OR6C68: variants seen among roughly 807,000 people sequenced by gnomAD.
OR6C68 encodes olfactory receptor family 6 subfamily C member 68, also known as olfactory receptor 6C68.
For synonymous variants in OR6C68, 161 were observed against 129.8 expected (o/e 1.24, Z -1.63); for missense variants, 440 against 368.5 (o/e 1.19, Z -1.59).
In OR6C68 at chr12:55,493,150, T is replaced by C; in HGVS notation, c.773T>C (p.Ile258Thr). ...TATGGCAGCTGCATCTTCATCTATATCAAGCCATCTGCAAAAGAAGAGGTA... is the reference window on the plus strand; with the variant it reads ...TATGGCAGCTGCATCTTCATCTATACCAAGCCATCTGCAAAAGAAGAGGTA... ...ITYGSCIFIY[I>T]KPSAKEEVNI... Residue 258 changes from isoleucine to threonine, a missense_variant, in exon 1 of 1, where the codon ATC becomes ACC. Coordinates refer to ENST00000548615, the MANE Select transcript of OR6C68 (RefSeq NM_001005519.2). 6.2e-7 allele frequency: 1 copy of C among 1,613,890 alleles called. No homozygotes were observed. Among genetic ancestry groups the C allele is most frequent in the Non-Finnish European group, 8.5e-7 (1 of 1,179,960 alleles).
chr12:55,493,099 C>A lies in OR6C68; in HGVS notation c.722C>A (p.Ser241Ter). The A allele has an allele frequency of 6.2e-7, 1 of 1,608,348 alleles. No individual in the cohort carries two copies. Among genetic ancestry groups the A allele is most frequent in the Non-Finnish European group, 8.5e-7 (1 of 1,178,538 alleles). The change falls in exon 1 of 1, where the codon TCA (serine) becomes TAA (stop). Residue 241 changes from serine to a stop codon, truncating the protein, a stop_gained. Transcript: ENST00000548615. LOFTEE classifies it low-confidence loss of function (END_TRUNC). ...AAAAAAGCCTTTTCTACCTGTTCTT[C>A]ACATATTACTGTGGTTTCCATCACT... ...QKKKAFSTCS[S>*]HITVVSITYG...
chr12:55,492,774 A>C lies in OR6C68; in HGVS notation c.397A>C (p.Ile133Leu). Residue 133 changes from isoleucine (I) to leucine (L), a missense_variant, in exon 1 of 1, where the codon ATC (isoleucine) becomes CTC (leucine). By Grantham distance (5) the Ile-to-Leu change is conservative. Coordinates refer to ENST00000548615, the MANE Select transcript of OR6C68 (RefSeq NM_001005519.2). ...AICKPLHYMAIMSNKVCKTMV... is the reference protein window; with the variant it reads ...AICKPLHYMALMSNKVCKTMV... The stretch of plus-strand genomic sequence containing the variant: ...CTGCAAACCCTTGCATTATATGGCA[A>C]TCATGAGCAACAAAGTGTGCAAAAC... 6.2e-7 allele frequency: 1 copy of C among 1,614,206 alleles called. No homozygotes were observed. Among genetic ancestry groups the C allele is most frequent in the Non-Finnish European group, 8.5e-7 (1 of 1,180,020 alleles).
In OR6C68 at chr12:55,493,300, T is replaced by C. The variant is rs1213065600; in HGVS notation, c.923T>C (p.Phe308Ser). ...AFHDSLKKIA[F>S]RLKK is the part of the protein sequence containing the mutation. Reference sequence around the variant, plus strand: ...CATGACTCACTCAAAAAAATTGCATTTCGTTTAAAAAAGTAAAGTGTACCT... The same window carrying C: ...CATGACTCACTCAAAAAAATTGCATCTCGTTTAAAAAAGTAAAGTGTACCT... The change falls in exon 1 of 1, where the codon TTT (phenylalanine) becomes TCT (serine). Residue 308 changes from phenylalanine (F) to serine (S), a missense_variant. Physicochemically the swap from Phe to Ser is radical, Grantham distance 155. Transcript: ENST00000548615. 2 of 1,560,894 alleles carry C rather than the reference T, an allele frequency of 1.3e-6. No individual in the cohort carries two copies. Among genetic ancestry groups the C allele is most frequent in the Non-Finnish European group, 1.7e-6 (2 of 1,157,694 alleles).
chr12:55,492,572 T>C lies in OR6C68; in HGVS notation c.195T>C (p.Ser65=). ...TPMYFFLQNL[S]FLEISFTATC... The stretch of plus-strand genomic sequence containing the variant: ...TGTATTTTTTTCTCCAAAATTTATC[T>C]TTCTTAGAAATCTCATTTACAGCTA... Residue 65 remains serine (S), a synonymous_variant, in exon 1 of 1, where the codon TCT becomes TCC. Coordinates refer to ENST00000548615, the MANE Select transcript of OR6C68 (RefSeq NM_001005519.2). 2 of 1,613,360 alleles carry C rather than the reference T, an allele frequency of 1.2e-6. No homozygotes were observed. Among genetic ancestry groups the C allele is most frequent in the Non-Finnish European group, 1.7e-6 (2 of 1,179,684 alleles).
In OR6C68 at chr12:55,492,521, G is replaced by A. The variant is rs1274486599; in HGVS notation, c.144G>A (p.Met48Ile). 1.2e-6 allele frequency: 2 copies of A among 1,613,978 alleles called. No homozygotes were observed. The highest frequency in any genetic ancestry group is 1.7e-6 in the Non-Finnish European group (2 of 1,179,934). ...AACTGACCATTATCGCCCTCACCAT[G>A]TTGGATCCCCACCTGAAAACACCCA... is the stretch of plus-strand genomic sequence containing the variant. ...TGKLTIIALT[M>I]LDPHLKTPMY... The change falls in exon 1 of 1, where the codon ATG (methionine) becomes ATA (isoleucine). Residue 48 changes from methionine (M) to isoleucine (I), a missense_variant. Met to Ile is a conservative substitution (Grantham distance 10). Coordinates refer to ENST00000548615, the MANE Select transcript of OR6C68 (RefSeq NM_001005519.2).
Position 55,492,697 on chromosome 12 carries a change from T to C in OR6C68, c.320T>C (p.Val107Ala). The C allele has an allele frequency of 6.2e-7, 1 of 1,614,076 alleles. No individual in the cohort carries two copies. Among genetic ancestry groups the C allele is most frequent in the East Asian group, 2.2e-5 (1 of 44,872 alleles). ...IQLFFADLFG[V>A]TEFFLLATMS... The stretch of plus-strand genomic sequence containing the variant: ...CTATTTTTTGCAGACCTCTTTGGGG[T>C]AACTGAATTTTTTCTTTTGGCTACC... The change falls in exon 1 of 1, where the codon GTA becomes GCA. Residue 107 changes from valine to alanine, a missense_variant. Physicochemically the swap from Val to Ala is moderately conservative, Grantham distance 64. Coordinates refer to ENST00000548615, the MANE Select transcript of OR6C68 (RefSeq NM_001005519.2).
Position 55,492,897 on chromosome 12 carries a change from C to A in OR6C68, c.520C>A (p.His174Asn), listed in dbSNP as rs774392870. 2 of 1,613,244 alleles carry A rather than the reference C, an allele frequency of 1.2e-6. No homozygotes were observed. Among genetic ancestry groups the A allele is most frequent in the East Asian group, 2.2e-5 (1 of 44,858 alleles). The change falls in exon 1 of 1, where the codon CAT (histidine) becomes AAT (asparagine). Residue 174 changes from histidine (H) to asparagine (N), a missense_variant. His to Asn is a moderately conservative substitution (Grantham distance 68, BLOSUM62 1). Coordinates refer to ENST00000548615, the MANE Select transcript of OR6C68 (RefSeq NM_001005519.2). ...ATTCTGTGACTCTAATGTCATCAAT[C>A]ATTTTGGCTGTGATGCATTGCCTAT... ...LEFCDSNVIN[H>N]FGCDALPILK... is the part of the protein sequence containing the mutation.
Position 55,492,817 on chromosome 12 carries a change from G to C in OR6C68, c.440G>C (p.Trp147Ser). Reference protein sequence around the residue: ...KVCKTMVICCWMAALMIILPP... With the variant: ...KVCKTMVICCSMAALMIILPP... ...TGCAAAACAATGGTTATTTGTTGTT[G>C]GATGGCAGCACTTATGATTATCCTC... Residue 147 changes from tryptophan (W) to serine (S), a missense_variant, in exon 1 of 1, where the codon TGG becomes TCG. By Grantham distance (177) the Trp-to-Ser change is radical. Coordinates refer to ENST00000548615, the MANE Select transcript of OR6C68 (RefSeq NM_001005519.2). 6.2e-7 allele frequency: 1 copy of C among 1,614,064 alleles called. No individual in the cohort carries two copies. The highest frequency in any genetic ancestry group is 8.5e-7 in the Non-Finnish European group (1 of 1,179,994).
chr12:55,493,135 G>T lies in OR6C68; in HGVS notation c.758G>T (p.Cys253Phe). ...GTGGTTTCCATCACTTATGGCAGCTGCATCTTCATCTATATCAAGCCATCT... is the reference window on the plus strand; with the variant it reads ...GTGGTTTCCATCACTTATGGCAGCTTCATCTTCATCTATATCAAGCCATCT... ...ITVVSITYGS[C>F]IFIYIKPSAK... The change falls in exon 1 of 1, where the codon TGC becomes TTC. Residue 253 changes from cysteine to phenylalanine, a missense_variant. By Grantham distance (205) the Cys-to-Phe change is radical (BLOSUM62 -2). Coordinates refer to ENST00000548615, the MANE Select transcript of OR6C68 (RefSeq NM_001005519.2). 6.2e-7 allele frequency: 1 copy of T among 1,612,882 alleles called. No individual in the cohort carries two copies.
In OR6C68 at chr12:55,492,868, T is replaced by C. The variant is rs61747528; in HGVS notation, c.491T>C (p.Leu164Pro). Reference protein sequence around the residue: ...ILPPLSLGFHLEFCDSNVINH... With the variant: ...ILPPLSLGFHPEFCDSNVINH... ...CCACCACTTAGCTTAGGTTTTCATC[T>C]AGAATTCTGTGACTCTAATGTCATC... Residue 164 changes from leucine to proline, a missense_variant, in exon 1 of 1, where the codon CTA (leucine) becomes CCA (proline). Physicochemically the swap from Leu to Pro is moderately conservative, Grantham distance 98 (BLOSUM62 -3). Transcript: ENST00000548615. 59 of 1,613,958 alleles carry C rather than the reference T, an allele frequency of 3.7e-5. No individual in the cohort carries two copies. In the African/African-American group the frequency reaches 7.2e-4, roughly 20 times the overall value.
Position 55,492,785 on chromosome 12 carries a change from C to A in OR6C68, c.408C>A (p.Asn136Lys). The A allele has an allele frequency of 6.2e-7, 1 of 1,614,140 alleles. No homozygotes were observed. The highest frequency in any genetic ancestry group is 8.5e-7 in the Non-Finnish European group (1 of 1,180,002). The change falls in exon 1 of 1, where the codon AAC becomes AAA. Residue 136 changes from asparagine (N) to lysine (K), a missense_variant. By Grantham distance (94) the Asn-to-Lys change is moderately conservative. Coordinates refer to ENST00000548615, the MANE Select transcript of OR6C68 (RefSeq NM_001005519.2). ...TGCATTATATGGCAATCATGAGCAA[C>A]AAAGTGTGCAAAACAATGGTTATTT... Reference protein sequence around the residue: ...KPLHYMAIMSNKVCKTMVICC... With the variant: ...KPLHYMAIMSKKVCKTMVICC...
chr12:55,492,446 T>A lies in OR6C68; in HGVS notation c.69T>A (p.Val23=). Residue 23 remains valine (V), a synonymous_variant, in exon 1 of 1, where the codon GTT becomes GTA. Transcript: ENST00000548615. ...TGACAGAAGATCCTCAGCTGCAGGT[T>A]CTGCTTTTCATGTTTCTATTTATCA... is the stretch of plus-strand genomic sequence containing the variant. ...LGLTEDPQLQ[V]LLFMFLFITY... is the part of the protein sequence containing the mutation. The A allele has an allele frequency of 6.2e-7, 1 of 1,614,048 alleles. No homozygotes were observed. Among genetic ancestry groups the A allele is most frequent in the Non-Finnish European group, 8.5e-7 (1 of 1,179,930 alleles).
chr12:55,493,301 T>C lies in OR6C68; in HGVS notation c.924T>C (p.Phe308=). The C allele has an allele frequency of 1.3e-6, 2 of 1,560,234 alleles. No homozygotes were observed. Among genetic ancestry groups the C allele is most frequent in the Non-Finnish European group, 8.6e-7 (1 of 1,157,370 alleles). The change falls in exon 1 of 1, where the codon TTT becomes TTC. Residue 308 remains phenylalanine, a synonymous_variant. Transcript: ENST00000548615. ...ATGACTCACTCAAAAAAATTGCATT[T>C]CGTTTAAAAAAGTAAAGTGTACCTA... ...AFHDSLKKIA[F]RLKK is the part of the protein sequence containing the mutation.
rs764488152 is a variant in OR6C68, at chr12:55,492,940, C to G, written c.563C>G (p.Ser188Ter). Residue 188 changes from serine to a stop codon, truncating the protein, a stop_gained, in exon 1 of 1, where the codon TCA (serine) becomes TGA (stop). Transcript: ENST00000548615. LOFTEE classifies it low-confidence loss of function (END_TRUNC). ...TTGCCTATTCTGAAAATACCATGCT[C>G]AGACACATCATTAATTGAGCAGATG... The part of the protein sequence containing the change: ...DALPILKIPC[S>*]DTSLIEQMVV... 4 of 1,612,244 alleles carry G rather than the reference C, an allele frequency of 2.5e-6. No homozygotes were observed. The highest frequency in any genetic ancestry group is 3.4e-6 in the Non-Finnish European group (4 of 1,178,956).
In OR6C68 at chr12:55,492,561, C is replaced by A; in HGVS notation, c.184C>A (p.Gln62Lys). 4 of 1,612,690 alleles carry A rather than the reference C, an allele frequency of 2.5e-6. No individual in the cohort carries two copies. Among genetic ancestry groups the A allele is most frequent in the Non-Finnish European group, 3.4e-6 (4 of 1,179,578 alleles). The part of the protein sequence containing the change: ...HLKTPMYFFL[Q>K]NLSFLEISFT... ...GAAAACACCCATGTATTTTTTTCTCCAAAATTTATCTTTCTTAGAAATCTC... is the reference window on the plus strand; with the variant it reads ...GAAAACACCCATGTATTTTTTTCTCAAAAATTTATCTTTCTTAGAAATCTC... The change falls in exon 1 of 1, where the codon CAA becomes AAA. Residue 62 changes from glutamine to lysine, a missense_variant. Coordinates refer to ENST00000548615, the MANE Select transcript of OR6C68 (RefSeq NM_001005519.2).
In OR6C68 at chr12:55,493,008, T is replaced by C. The variant is rs1427461995; in HGVS notation, c.631T>C (p.Cys211Arg). Reference sequence around the variant, plus strand: ...ATTAACCTTTATTATCACTCTTGTATGTGTAGTTCTGTCCTACACATATAT... The same window carrying C: ...ATTAACCTTTATTATCACTCTTGTACGTGTAGTTCTGTCCTACACATATAT... ...AVLTFIITLV[C>R]VVLSYTYIIR... The change falls in exon 1 of 1, where the codon TGT (cysteine) becomes CGT (arginine). Residue 211 changes from cysteine (C) to arginine (R), a missense_variant. Physicochemically the swap from Cys to Arg is radical, Grantham distance 180 (BLOSUM62 -3). Coordinates refer to ENST00000548615, the MANE Select transcript of OR6C68 (RefSeq NM_001005519.2). The C allele has an allele frequency of 6.2e-7, 1 of 1,612,132 alleles. No homozygotes were observed. The highest frequency in any genetic ancestry group is 1.1e-5 in the South Asian group (1 of 90,816).
rs143765948 is a variant in OR6C68 at position 55,492,649 on chromosome 12, C to G, written c.272C>G (p.Thr91Arg). The change falls in exon 1 of 1, where the codon ACG (threonine) becomes AGG (arginine). Residue 91 changes from threonine to arginine, a missense_variant. Thr to Arg is a moderately conservative substitution (Grantham distance 71). Coordinates refer to ENST00000548615, the MANE Select transcript of OR6C68 (RefSeq NM_001005519.2). Reference sequence around the variant, plus strand: ...ATCTCAACTGGGAACAAAATAATAACGTATAATGCATGTGTCATTCAGCTA... The same window carrying G: ...ATCTCAACTGGGAACAAAATAATAAGGTATAATGCATGTGTCATTCAGCTA... ...YSISTGNKII[T>R]YNACVIQLFF... 1.8e-5 allele frequency: 29 copies of G among 1,613,804 alleles called. No individual in the cohort carries two copies. The highest frequency in any genetic ancestry group is 7.6e-6 in the Non-Finnish European group (9 of 1,179,852).
rs142784491 is a variant in OR6C68, at chr12:55,492,845, A to G, written c.468A>G (p.Pro156=). 5,892 of 1,614,020 alleles carry G rather than the reference A, an allele frequency of 3.7e-3. 20 individuals are homozygous for G. Among genetic ancestry groups the G allele is most frequent in the Non-Finnish European group, 4.0e-3 (4,698 of 1,179,960 alleles). The change falls in exon 1 of 1, where the codon CCA becomes CCG. Residue 156 remains proline (P), a synonymous_variant. Coordinates refer to ENST00000548615, the MANE Select transcript of OR6C68 (RefSeq NM_001005519.2). ...TGGCAGCACTTATGATTATCCTCCC[A>G]CCACTTAGCTTAGGTTTTCATCTAG... The part of the protein sequence containing the change: ...CWMAALMIIL[P]PLSLGFHLEF...
Position 55,493,295 on chromosome 12 carries a change from T to A in OR6C68, c.918T>A (p.Ile306=), listed in dbSNP as rs1565703507. The change falls in exon 1 of 1, where the codon ATT becomes ATA. Residue 306 remains isoleucine (I), a synonymous_variant. Transcript: ENST00000548615. ...KQAFHDSLKK[I]AFRLKK ...CCTTTCATGACTCACTCAAAAAAAT[T>A]GCATTTCGTTTAAAAAAGTAAAGTG... 1 of 1,564,620 alleles carries A rather than the reference T, an allele frequency of 6.4e-7. No individual in the cohort carries two copies. Among genetic ancestry groups the A allele is most frequent in the African/African-American group, 1.4e-5 (1 of 72,270 alleles).
Sources: allele counts gnomAD v4.1 joint callset, GRCh38; gene constraint gnomAD v4.1.1; transcripts MANE v1.5; gene names NCBI Gene and HGNC (gene_info 2026-07-23, HGNC 2026-07-21).